Variants in MAST2 observed in about 807,000 individuals in gnomAD.
MAST2 encodes microtubule associated serine/threonine kinase 2.
A neutral mutation model predicts 147.4 loss-of-function variants in MAST2; 70 were observed. The observed-to-expected ratio is 0.47, with a 90% CI of 0.39 to 0.58. The LOEUF (loss-of-function observed/expected upper bound fraction) is 0.58. Ranked by LOEUF, MAST2 falls within the 20% of genes least tolerant of loss-of-function variation. The probability of loss-of-function intolerance (pLI) is 0.00; values close to 1 mark genes in which losing one functional copy is unlikely to be tolerated. For missense variants in MAST2, 2,080 were observed against 2,302.3 expected (o/e 0.90, Z 1.98); for synonymous variants, 869 against 896.8 (o/e 0.97, Z 0.55).
chr1:45,901,551 A>C (rs1057413982), intron 4 of MAST2, among the ~76,000 whole-genome samples: 1 of 151,698 alleles, frequency 6.6e-6, no homozygotes, highest in Non-Finnish European at 1.5e-5. Flanking sequence ...GACATTGGTA[A>C]TTTGATTAAA....
In MAST2 at chr1:46,034,824, C is replaced by G. The variant is rs1215370286; in HGVS notation, c.4155C>G (p.Gly1385=). The G allele has an allele frequency of 6.2e-7, 1 of 1,614,192 alleles. No individual in the cohort carries two copies. Among genetic ancestry groups the G allele is most frequent in the Middle Eastern group, 1.6e-4 (1 of 6,062 alleles). ...AGCTTCACTTGTCACCTCCCCTGGG[C>G]AGGCAACTCTCACGGCCCAAGAGTG... ...PTKLHLSPPL[G]RQLSRPKSAE... is the part of the protein sequence containing the mutation. The change falls in exon 29 of 29, where the codon GGC becomes GGG. Residue 1385 remains glycine, a synonymous_variant. Transcript: ENST00000361297.
intron 4 of MAST2, among the ~76,000 whole-genome samples, chr1:45,886,431 G>A (rs1004285874): frequency 3.3e-5 from 5 of 151,836 alleles, no homozygotes; most frequent in African/African-American, 9.7e-5. Context: ...TGCCTGCCAC[G>A]ATAAGGGCTT....
At position 46,029,457 on chromosome 1, in the gene MAST2, T is replaced by G. The variant is rs764709875; in HGVS notation, c.2219-9T>G. On this transcript the variant is annotated splice_polypyrimidine_tract_variant and intron_variant, in intron 18 of 28. Coordinates refer to ENST00000361297, the MANE Select transcript of MAST2 (RefSeq NM_015112.3). ...TTTCTCCTTTCCCTCTCACCCCTGA[T>G]GACTTCAGATGAGATTGTGTGGCCT... The G allele has an allele frequency of 5.6e-6, 9 of 1,610,184 alleles. 1 individual carries two copies. The South Asian group carries it at 9.9e-5, about 18-fold the overall frequency.
intron 2 of MAST2, among the ~76,000 whole-genome samples, chr1:45,828,660 T>A (rs565145670): frequency 6.6e-6 from 1 of 152,312 alleles, no homozygotes; most frequent in Non-Finnish European, 1.5e-5. Context: ...TGGTGGCTCA[T>A]GCCTGTAATC....
intron 3 of MAST2, among the ~76,000 whole-genome samples, chr1:45,832,069 C>T (rs1166756647): frequency 7.2e-5 from 11 of 151,948 alleles, no homozygotes; most frequent in East Asian, 3.9e-4. Flanking sequence ...CGTGAGCCAC[C>T]GCACCTGGCC....
At chr1:45,886,959 C>T (rs546969674) in intron 4 of MAST2, among the ~76,000 whole-genome samples, 38 of 152,292 alleles carry the variant, frequency 2.5e-4, no homozygotes, top group African/African-American at 8.7e-4. Flanking sequence ...TCCTGAGTAG[C>T]TGGCACCACA....
chr1:45,980,311 T>C (rs915820459), intron 5 of MAST2, among the ~76,000 whole-genome samples: 2 of 144,674 alleles, frequency 1.4e-5, no homozygotes, highest in South Asian at 4.3e-4. Context: ...AACAAAAGAT[T>C]GGAGACTACT....
rs192560323 is a variant in MAST2 at position 45,847,621 on chromosome 1, G to A, written c.468+18040G>A. 1.4e-4 allele frequency: 92 copies of A among 656,300 alleles called. 1 individual carries two copies. Among genetic ancestry groups the A allele is most frequent in the African/African-American group, 1.3e-3 (72 of 53,628 alleles). 40.7% of individuals were successfully genotyped at this position (656,300 alleles called of 1,614,324 possible). On this transcript the variant is annotated intron_variant, in intron 3 of 28. Coordinates refer to ENST00000361297, the MANE Select transcript of MAST2 (RefSeq NM_015112.3). Reference sequence around the variant, plus strand: ...GTGCTTTAGGTATAGTGACGTCCTCGCGGCCACAGAGGAGCTCTGCACTCT... The same window carrying A: ...GTGCTTTAGGTATAGTGACGTCCTCACGGCCACAGAGGAGCTCTGCACTCT...
intron 10 of MAST2, among the ~76,000 whole-genome samples, chr1:46,017,559 A>G (rs1373242889): frequency 2.6e-5 from 4 of 152,166 alleles, no homozygotes; most frequent in African/African-American, 9.7e-5. Flanking sequence ...CAAAAAACAC[A>G]TGAAAAAATG....
intron 3 of MAST2, among the ~76,000 whole-genome samples, chr1:45,866,964 G>A (rs555595965): frequency 5.9e-5 from 9 of 151,970 alleles, no homozygotes; most frequent in East Asian, 3.9e-4. Flanking sequence ...TTGGCCAGCC[G>A]GGTCTCAAAC....
chr1:46,004,957 C>CAGT (rs1645424588), intron 7 of MAST2, among the ~76,000 whole-genome samples: 1 of 152,092 alleles, frequency 6.6e-6, no homozygotes, highest in South Asian at 2.1e-4. Flanking sequence ...GTTTCAGCTG[C>CAGT]TTGGGAGGCT....
At chr1:45,857,445 C>T (rs1570398167) in intron 3 of MAST2, among the ~76,000 whole-genome samples, 1 of 152,146 alleles carries the variant, frequency 6.6e-6, no homozygotes, top group East Asian at 1.9e-4. Context: ...TTGATTGACT[C>T]TCTGTTTAAG....
At chr1:45,886,035 A>G (rs965696644) in intron 4 of MAST2, among the ~76,000 whole-genome samples, 2 of 151,998 alleles carry the variant, frequency 1.3e-5, no homozygotes, top group Non-Finnish European at 2.9e-5. Flanking sequence ...AGACTAAGGC[A>G]GGAGGATCGC....
At chr1:45,857,135 A>G (rs948607794) in intron 3 of MAST2, among the ~76,000 whole-genome samples, 2 of 152,102 alleles carry the variant, frequency 1.3e-5, no homozygotes, top group Non-Finnish European at 2.9e-5. Context: ...GTCTACATCC[A>G]CTTGAATGTA....
chr1:45,917,995 T>C (rs1652843311), intron 4 of MAST2, among the ~76,000 whole-genome samples: 1 of 152,220 alleles, frequency 6.6e-6, no homozygotes, highest in South Asian at 2.1e-4. Context: ...TACTATCTGC[T>C]AGGACACTGT....
chr1:45,828,894 AG>A (rs1644871037), intron 2 of MAST2, among the ~76,000 whole-genome samples: 1 of 152,072 alleles, frequency 6.6e-6, no homozygotes, highest in Non-Finnish European at 1.5e-5. Context: ...ACTGCACTCC[AG>A]CCTGGGCGAC....
At chr1:46,033,998 G>GGTGCCTTGGCCCTGGGGGTCCAGTGT in intron 27 of MAST2, 60 bp downstream of exon 27, 1 of 1,607,596 alleles carries the variant, frequency 6.2e-7, no homozygotes, top group East Asian at 2.2e-5. Flanking sequence ...GTACGTGGTG[G>GGTGCCTTGGCCCTGGGGGTCCAGTGT]GTGCCTTGGC....
rs192321457 is a variant in MAST2, at chr1:45,820,317, C to G, written c.178-4116C>G. ...GCAAAAATTTCTTGAGCAATAAATA[C>G]CCCACATGCAGAGGCAACCAAAGCA... On this transcript the variant is annotated intron_variant, in intron 1 of 28. Coordinates refer to ENST00000361297, the MANE Select transcript of MAST2 (RefSeq NM_015112.3). Among the ~76,000 whole-genome samples, 78 of 152,308 alleles carry G rather than the reference C, an allele frequency of 5.1e-4. 2 individuals are homozygous for G. The highest frequency in any genetic ancestry group is 1.9e-3 in the African/African-American group (77 of 41,562).
intron 2 of MAST2, among the ~76,000 whole-genome samples, chr1:45,829,061 G>A (rs532882564): frequency 6.6e-6 from 1 of 152,236 alleles, no homozygotes; most frequent in African/African-American, 2.4e-5. Context: ...AGCAGAATAG[G>A]TTCATTGTTT....
Sources: allele counts gnomAD v4.1 joint callset (sites outside exome capture counted in the v4.1 genomes callset), GRCh38; gene constraint gnomAD v4.1.1; transcripts MANE v1.5; gene names NCBI Gene and HGNC (gene_info 2026-07-23, HGNC 2026-07-21).